The following PLEKHA5 variants were observed in gnomAD, a reference collection of about 807,000 sequenced individuals.
PLEKHA5 encodes the protein pleckstrin homology domain containing A5, also known as pleckstrin homology domain-containing family A member 5.
PLEKHA5 carries 55 observed loss-of-function variants against 181.9 expected under a neutral mutation model. The ratio of observed to expected loss-of-function variants is 0.30; its 90% CI spans 0.24 to 0.38. PLEKHA5 has a LOEUF of 0.38. Ranked by LOEUF, PLEKHA5 falls within the 10% of genes least tolerant of loss-of-function variation. The pLI is 1.00. For synonymous variants in PLEKHA5, 535 were observed against 529.4 expected, an observed-to-expected ratio of 1.01 and a Z score of -0.15; for missense variants, 1,432 against 1,549.5, an observed-to-expected ratio of 0.92 and a Z score of 1.27.
intron 3 of PLEKHA5, among the ~76,000 whole-genome samples, chr12:19,248,743 A>G (rs1022736132): frequency 3.3e-5 from 5 of 152,154 alleles, no homozygotes; most frequent in Non-Finnish European, 7.3e-5. Context: ...ATATTTTAGA[A>G]TGTATCACCA....
In PLEKHA5 at chr12:19,322,291, ATCT is replaced by A. The variant is rs1592485943; in HGVS notation, c.2218-15_2218-13del. 4 of 1,561,398 alleles carry A rather than the reference ATCT, an allele frequency of 2.6e-6. No individual in the cohort carries two copies. Among genetic ancestry groups the A allele is most frequent in the Non-Finnish European group, 3.5e-6 (4 of 1,133,786 alleles). ...AAAAATAAAAAATTGCTAACAAGAC[ATCT>A]TCTCTTATAACCTAGGCCAAGTTAA... On this transcript the variant is annotated splice_polypyrimidine_tract_variant and intron_variant, in intron 18 of 31. Transcript: ENST00000429027.
chr12:19,263,297 G>T (rs971179038), intron 7 of PLEKHA5, among the ~76,000 whole-genome samples: 3 of 152,236 alleles, frequency 2.0e-5, no homozygotes, highest in Admixed American at 1.3e-4. Flanking sequence ...TTGCACGCGA[G>T]GGGAAACTCA....
At chr12:19,193,220 G>A (rs1286789915) in intron 3 of PLEKHA5, among the ~76,000 whole-genome samples, 1 of 152,148 alleles carries the variant, frequency 6.6e-6, no homozygotes, top group Non-Finnish European at 1.5e-5. Flanking sequence ...TTTTAAGAAG[G>A]AAAGTCTTAA....
chr12:19,272,425 C>T (rs1401093838), intron 10 of PLEKHA5, among the ~76,000 whole-genome samples: 1 of 151,994 alleles, frequency 6.6e-6, no homozygotes, highest in East Asian at 1.9e-4. Context: ...AAAAAAAACC[C>T]ACCACAGTTT....
intron 3 of PLEKHA5, among the ~76,000 whole-genome samples, chr12:19,219,435 G>A (rs527998590): frequency 4.0e-5 from 6 of 150,586 alleles, no homozygotes; most frequent in Non-Finnish European, 8.9e-5. Context: ...GTGTGTGTAT[G>A]TGTGTTGTTT....
At chr12:19,147,082 A>C (rs1204237355) in intron 3 of PLEKHA5, 1 of 152,212 alleles carries the variant, frequency 6.6e-6, no homozygotes, top group Non-Finnish European at 1.5e-5. Context: ...AATATGCCTC[A>C]ATATCATTTA....
At chr12:19,348,320 G>T in intron 24 of PLEKHA5, 79 bp from the exon 25 acceptor site, 1 of 1,063,752 alleles carries the variant, frequency 9.4e-7, no homozygotes, top group Non-Finnish European at 1.4e-6. Context: ...TTTAGAGTTT[G>T]ATTTGTGTCT....
At chr12:19,373,091 T>C (rs1446851377) in intron 31 of PLEKHA5, 1 of 152,146 alleles carries the variant, frequency 6.6e-6, no homozygotes. Context: ...TAATTTAATA[T>C]GTTTAGAAAT....
intron 15 of PLEKHA5, among the ~76,000 whole-genome samples, chr12:19,308,117 G>A (rs2084813026): frequency 6.6e-6 from 1 of 152,018 alleles, no homozygotes; most frequent in South Asian, 2.1e-4. Context: ...AGAGAAGAAA[G>A]CAATAGAAGC....
chr12:19,166,780 G>A (rs1049821285), intron 3 of PLEKHA5, among the ~76,000 whole-genome samples: 23 of 152,040 alleles, frequency 1.5e-4, no homozygotes, highest in African/African-American at 5.6e-4. Flanking sequence ...AATGACCATG[G>A]CAACATAAAT....
chr12:19,180,399 G>A (rs1055605409), intron 3 of PLEKHA5, among the ~76,000 whole-genome samples: 1 of 152,230 alleles, frequency 6.6e-6, no homozygotes, highest in South Asian at 2.1e-4. Context: ...CAGGGCTGAG[G>A]CATATGAAAT....
chr12:19,167,716 C>CTTCATTTACTTCATTTA (rs1278071865), intron 3 of PLEKHA5, among the ~76,000 whole-genome samples: 8 of 151,986 alleles, frequency 5.3e-5, no homozygotes, highest in Non-Finnish European at 8.8e-5. Flanking sequence ...CTTCATTTTA[C>CTTCATTTACTTCATTTA]TGGGGCAGGT....
chr12:19,177,344 T>C (rs1043300661), intron 3 of PLEKHA5, among the ~76,000 whole-genome samples: 1 of 152,202 alleles, frequency 6.6e-6, no homozygotes, highest in African/African-American at 2.4e-5. Context: ...ATTATTCTTT[T>C]TGAGTGCATA....
intron 26 of PLEKHA5, 139 bp downstream of exon 26, chr12:19,354,141 T>TTA: frequency 3.1e-6 from 1 of 320,128 alleles, no homozygotes; most frequent in Non-Finnish European, 5.3e-6. Flanking sequence ...TTATTCTTTA[T>TTA]TCTTTTTTTT....
rs2034721833 is a variant in PLEKHA5, at chr12:19,133,711, A to G, written c.227+1261A>G. ...TTTTGGATGTAGAAATAGAGAAAGC[A>G]GAAGATACAGGAATGGAATAGTTTC... On this transcript the variant is annotated intron_variant, in intron 3 of 31. Transcript: ENST00000429027. 1.3e-5 allele frequency among the ~76,000 whole-genome samples: 2 copies of G among 152,016 alleles called. 1 individual carries two copies. The highest frequency in any genetic ancestry group is 4.1e-4 in the South Asian group (2 of 4,826).
chr12:19,370,570 C>T (rs893099373), intron 31 of PLEKHA5, among the ~76,000 whole-genome samples: 1 of 152,132 alleles, frequency 6.6e-6, no homozygotes, highest in African/African-American at 2.4e-5. Flanking sequence ...TTTCTCACAG[C>T]ATCTACCATA....
chr12:19,348,537 GT>G lies in PLEKHA5; in HGVS notation c.3019+22del. ...TGTTAAAGGTCAGCATTTGTAATAT[GT>G]TTTACCTCTTGGTTTTTGTTTTTGA... is the stretch of plus-strand genomic sequence containing the variant. On this transcript the variant is annotated intron_variant, in intron 25 of 31. Transcript: ENST00000429027. The G allele has an allele frequency of 6.5e-7, 1 of 1,538,056 alleles. No homozygotes were observed. The highest frequency in any genetic ancestry group is 8.7e-7 in the Non-Finnish European group (1 of 1,148,802).
In PLEKHA5 at chr12:19,283,727, C is replaced by A. The variant is rs768668705; in HGVS notation, c.1761C>A (p.His587Gln). Residue 587 changes from histidine (H) to glutamine (Q), a missense_variant, in exon 12 of 32, where the codon CAC (histidine) becomes CAA (glutamine). Coordinates refer to ENST00000429027, the MANE Select transcript of PLEKHA5 (RefSeq NM_001256470.2). ...QRGDVTIDRR[H>Q]RAHHPKHVYV... ...GAGATGTGACAATAGACCGCAGACA[C>A]AGGGCCCATCACCCTAAGGTAAAAT... is the stretch of plus-strand genomic sequence containing the variant. The A allele has an allele frequency of 3.7e-6, 6 of 1,611,482 alleles. No homozygotes were observed. Among genetic ancestry groups the A allele is most frequent in the Non-Finnish European group, 4.2e-6 (5 of 1,177,916 alleles).
At chr12:19,225,369 G>C (rs1256608947) in intron 3 of PLEKHA5, among the ~76,000 whole-genome samples, 1 of 152,144 alleles carries the variant, frequency 6.6e-6, no homozygotes, top group Non-Finnish European at 1.5e-5. Flanking sequence ...ACATCTGAGG[G>C]TAGGATTTTA....
Sources: gnomAD v4.1 joint callset for allele counts (sites outside exome capture counted in the v4.1 genomes callset) on GRCh38, gnomAD v4.1.1 for gene constraint, MANE v1.5 for transcripts, NCBI Gene and HGNC (gene_info 2026-07-23, HGNC 2026-07-21) for gene names.